RIN3: variants seen among roughly 807,000 people sequenced by gnomAD.
RIN3 encodes Ras and Rab interactor 3.
Under a neutral mutation model 76.3 loss-of-function variants are expected in RIN3, and 54 were observed. That is an observed-to-expected ratio of 0.71 (90% CI 0.57 to 0.89). RIN3 has a LOEUF of 0.89. Ranked by LOEUF, RIN3 falls within the 40% of genes least tolerant of loss-of-function variation. RIN3 has a pLI of 0.00. For missense variants in RIN3, 1,256 were observed against 1,322.1 expected (o/e 0.95, Z 0.78); for synonymous variants, 576 against 564.0 (o/e 1.02, Z -0.30).
intron 3 of RIN3, among the ~76,000 whole-genome samples, chr14:92,614,728 G>A (rs1031595055): frequency 2.0e-5 from 3 of 151,102 alleles, no homozygotes; most frequent in Non-Finnish European, 4.4e-5. Flanking sequence ...TCATTAAGAC[G>A]TGCCTTTCGC....
chr14:92,629,372 A>G (rs1478850588), intron 4 of RIN3, among the ~76,000 whole-genome samples: 5 of 152,344 alleles, frequency 3.3e-5, no homozygotes, highest in Non-Finnish European at 7.3e-5. Context: ...ACTGAAAATG[A>G]AAGTACACTC....
intron 4 of RIN3, among the ~76,000 whole-genome samples, chr14:92,625,496 G>A (rs535923007): frequency 6.6e-5 from 10 of 152,020 alleles, no homozygotes; most frequent in Admixed American, 3.9e-4. Flanking sequence ...TAGCTGTTGC[G>A]GGGAGGGGAA....
At chr14:92,570,401 G>A (rs995873491) in intron 2 of RIN3, among the ~76,000 whole-genome samples, 3 of 152,106 alleles carry the variant, frequency 2.0e-5, no homozygotes, top group East Asian at 3.9e-4. Context: ...GGTGGCTCAC[G>A]CCTGTAATCC....
intron 3 of RIN3, among the ~76,000 whole-genome samples, chr14:92,607,849 C>T (rs111934571): frequency 6.6e-6 from 1 of 152,268 alleles, no homozygotes; most frequent in African/African-American, 2.4e-5. Context: ...CAGTAAAAGG[C>T]AATGAACTGT....
intron 3 of RIN3, among the ~76,000 whole-genome samples, chr14:92,609,287 C>A (rs534288550): frequency 5.9e-5 from 9 of 152,276 alleles, no homozygotes; most frequent in African/African-American, 2.2e-4. Context: ...TCTCTACCTG[C>A]CCCTGACACA....
rs1595485673 is a variant in RIN3 at position 92,652,363 on chromosome 14, G to A, written c.1314G>A (p.Val438=). The change falls in exon 6 of 10, where the codon GTG becomes GTA. Residue 438 remains valine, a synonymous_variant. Coordinates refer to ENST00000216487, the MANE Select transcript of RIN3 (RefSeq NM_024832.5). The surrounding 1 kb of genome is among the most constrained non-coding windows in gnomAD (Gnocchi z 6.4). ...CGGAGCAAGGCCAGGACACAGAGGT[G>A]AAAGCCAGCGATCCTCACAGCATGC... The part of the protein sequence containing the change: ...ESTEQGQDTE[V]KASDPHSMPE... 6.2e-7 allele frequency: 1 copy of A among 1,608,076 alleles called. No homozygotes were observed. Among genetic ancestry groups the A allele is most frequent in the South Asian group, 1.1e-5 (1 of 90,126 alleles).
At position 92,688,233 on chromosome 14, in the gene RIN3, G is replaced by C. The variant is rs1207521353; in HGVS notation, c.2939G>C (p.Arg980Pro). 2 of 1,593,820 alleles carry C rather than the reference G, an allele frequency of 1.3e-6. No homozygotes were observed. The highest frequency in any genetic ancestry group is 1.7e-6 in the Non-Finnish European group (2 of 1,171,764). Residue 980 changes from arginine to proline, a missense_variant, in exon 10 of 10, where the codon CGG (arginine) becomes CCG (proline). By Grantham distance (103) the Arg-to-Pro change is moderately radical (BLOSUM62 -2). Around this residue, in one of 3 missense-constraint regions of RIN3, gnomAD observed 218 missense variants for 174.5 expected, o/e 1.25. Coordinates refer to ENST00000216487, the MANE Select transcript of RIN3 (RefSeq NM_024832.5). ...GGGSPPCLVV[R>P]EPNFL The stretch of plus-strand genomic sequence containing the variant: ...GGGAGCCCGCCCTGCCTGGTGGTGC[G>C]GGAGCCCAACTTCCTGTGAGGCCCT...
intron 2 of RIN3, among the ~76,000 whole-genome samples, chr14:92,569,619 T>G (rs1227904905): frequency 6.6e-6 from 1 of 151,520 alleles, no homozygotes; most frequent in Non-Finnish European, 1.5e-5. Flanking sequence ...AATGTGAGGA[T>G]GGAGAACAGG....
In RIN3 at chr14:92,685,128, G is replaced by T. The variant is rs201198941; in HGVS notation, c.2609G>T (p.Arg870Leu). 8 of 1,612,354 alleles carry T rather than the reference G, an allele frequency of 5.0e-6. No individual in the cohort carries two copies. Among genetic ancestry groups the T allele is most frequent in the Non-Finnish European group, 5.1e-6 (6 of 1,179,286 alleles). The change falls in exon 9 of 10, where the codon CGG becomes CTG. Residue 870 changes from arginine to leucine, a missense_variant. By Grantham distance (102) the Arg-to-Leu change is moderately radical. Transcript: ENST00000216487. The surrounding 1 kb of genome is among the most constrained non-coding windows in gnomAD (Gnocchi z 4.7). ...CGCCGGCGTACTCTCAACAAGGCCC[G>T]GGCCTCCCGCTCCTCCGTACAGGTG... The part of the protein sequence containing the change: ...WERRRTLNKA[R>L]ASRSSVQDFI...
At chr14:92,661,289 CAA>C (rs1230205623) in intron 7 of RIN3, among the ~76,000 whole-genome samples, 8 of 152,214 alleles carry the variant, frequency 5.3e-5, no homozygotes, top group Admixed American at 3.9e-4. Flanking sequence ...CAACAGAAAG[CAA>C]TTGTGGGTAT....
chr14:92,564,507 G>T lies in RIN3; in HGVS notation c.249+8552G>T, dbSNP rs192284980. Among the ~76,000 whole-genome samples, 69 of 152,306 alleles carry T rather than the reference G, an allele frequency of 4.5e-4. 1 individual carries two copies. In the Middle Eastern group the frequency reaches 0.014, roughly 30 times the overall value. ...AAGAAAGGAGTCTTGGAATTGTTCA[G>T]CCTACCTCCCTTGCTATAGACTGGA... is the stretch of plus-strand genomic sequence containing the variant. On this transcript the variant is annotated intron_variant, in intron 2 of 9. Coordinates refer to ENST00000216487, the MANE Select transcript of RIN3 (RefSeq NM_024832.5).
intron 1 of RIN3, among the ~76,000 whole-genome samples, chr14:92,532,784 GC>G (rs1305553539): frequency 6.6e-6 from 1 of 152,184 alleles, no homozygotes; most frequent in African/African-American, 2.4e-5. Context: ...TGAGATTCCT[GC>G]CCTCTTGCTC....
intron 8 of RIN3, among the ~76,000 whole-genome samples, chr14:92,684,360 A>G (rs1888769318): frequency 6.7e-6 from 1 of 148,862 alleles, no homozygotes; most frequent in South Asian, 2.2e-4. Flanking sequence ...AGCCTGGGCA[A>G]CACAGCAACA....
At chr14:92,524,230 C>T (rs1896668801) in intron 1 of RIN3, among the ~76,000 whole-genome samples, 1 of 152,104 alleles carries the variant, frequency 6.6e-6, no homozygotes, top group Non-Finnish European at 1.5e-5. Flanking sequence ...GACCCGGGGC[C>T]CAGTTTCAAC....
intron 7 of RIN3, among the ~76,000 whole-genome samples, chr14:92,664,363 T>TA: frequency 1.4e-5 from 1 of 71,290 alleles, no homozygotes; most frequent in African/African-American, 3.5e-5. Context: ...TTTCTTTCTT[T>TA]CTTTTTTTTT....
chr14:92,513,879 C>A lies in RIN3; in HGVS notation c.-54C>A. 3 of 1,235,502 alleles carry A rather than the reference C, an allele frequency of 2.4e-6. No individual in the cohort carries two copies. Among genetic ancestry groups the A allele is most frequent in the Non-Finnish European group, 3.0e-6 (3 of 985,372 alleles). The allele number at this position is 1,235,502 out of a possible 1,614,324, so 76.5% of individuals were successfully genotyped here. A position where few individuals can be genotyped will look rare whatever the true frequency, so the allele number is the denominator to read the frequency against. Reference sequence around the variant, plus strand: ...TGCGGGCGCCCGGGACTCCGCGTTCCGCGCGGCCCGGCGCCTGAGCGCCTC... The same window carrying A: ...TGCGGGCGCCCGGGACTCCGCGTTCAGCGCGGCCCGGCGCCTGAGCGCCTC... On this transcript the variant is annotated 5_prime_UTR_variant, in exon 1 of 10. Coordinates refer to ENST00000216487, the MANE Select transcript of RIN3 (RefSeq NM_024832.5).
chr14:92,635,836 G>A (rs1408517209), intron 4 of RIN3, among the ~76,000 whole-genome samples: 4 of 152,148 alleles, frequency 2.6e-5, no homozygotes, highest in African/African-American at 7.2e-5. Context: ...CTGGGCAATA[G>A]AGGGCGAGTC....
At chr14:92,604,999 T>A (rs1885478748) in intron 3 of RIN3, among the ~76,000 whole-genome samples, 1 of 134,742 alleles carries the variant, frequency 7.4e-6, no homozygotes, top group Non-Finnish European at 1.5e-5. Context: ...AACTTCCACC[T>A]CCTAGGCTCA....
chr14:92,578,069 C>G (rs1303869418), intron 3 of RIN3, among the ~76,000 whole-genome samples: 2 of 151,850 alleles, frequency 1.3e-5, no homozygotes, highest in African/African-American at 4.8e-5. Context: ...GAAAGACCCC[C>G]TCTCTACAAA....
Sources: gnomAD v4.1 joint callset for allele counts (sites outside exome capture counted in the v4.1 genomes callset) on GRCh38, gnomAD v4.1.1 for gene constraint, gnomAD v4.1.1 regional missense constraint, Gnocchi (gnomAD v3.1) non-coding constraint, MANE v1.5 for transcripts, NCBI Gene and HGNC (gene_info 2026-07-23, HGNC 2026-07-21) for gene names.